Variants in BDP1 observed in about 807,000 individuals in gnomAD.
The protein encoded by BDP1 is transcription factor TFIIIB component B'' homolog.
A neutral mutation model predicts 266.6 loss-of-function variants in BDP1; 169 were observed. The ratio of observed to expected loss-of-function variants is 0.63; its 90% CI spans 0.56 to 0.72. BDP1 has a LOEUF of 0.72. Ranked by LOEUF, BDP1 falls within the 30% of genes least tolerant of loss-of-function variation. The probability of loss-of-function intolerance (pLI) is 0.00; values close to 1 mark genes in which losing one functional copy is unlikely to be tolerated. For synonymous variants in BDP1, 1,090 were observed against 1,022.4 expected (o/e 1.07, Z -1.26); for missense variants, 3,015 against 3,053.8 (o/e 0.99, Z 0.30).
chr5:71,482,776 G>A (rs567713436), intron 7 of BDP1, among the ~76,000 whole-genome samples: 1 of 152,152 alleles, frequency 6.6e-6, no homozygotes, highest in East Asian at 1.9e-4. Flanking sequence ...TAACTTTTGA[G>A]GAAATGTTTA....
the BDP1 span, among the ~76,000 whole-genome samples, chr5:71,576,573 AC>A: frequency 6.6e-6 from 1 of 152,030 alleles, no homozygotes; most frequent in Admixed American, 6.6e-5. Context: ...AATAGTTCCT[AC>A]CCCCCTCCAT....
chr5:71,500,091 A>AT lies in BDP1; in HGVS notation c.1957-1463dup, dbSNP rs537582462. Reference sequence around the variant, plus strand: ...ACTTTTCCAGAATTCTATTGTTACCATTTTTTTTAAACTAAAACACTTTTT... The same window carrying AT: ...ACTTTTCCAGAATTCTATTGTTACCATTTTTTTTTAAACTAAAACACTTTTT... On this transcript the variant is annotated intron_variant, in intron 13 of 38. Coordinates refer to ENST00000358731, the MANE Select transcript of BDP1 (RefSeq NM_018429.3). Among the ~76,000 whole-genome samples the AT allele has an allele frequency of 3.0e-3, 454 of 151,602 alleles. 4 individuals are homozygous for AT. The highest frequency in any genetic ancestry group is 0.01 in the African/African-American group (431 of 41,386).
At chr5:71,576,304 A>G in the BDP1 span, among the ~76,000 whole-genome samples, 6 of 152,312 alleles carry the variant, frequency 3.9e-5, no homozygotes, top group African/African-American at 1.4e-4. Flanking sequence ...CCCTAACTCC[A>G]CCTGACATAG....
chr5:71,538,323 A>C (rs1045594520), intron 26 of BDP1, among the ~76,000 whole-genome samples: 1 of 152,192 alleles, frequency 6.6e-6, no homozygotes, highest in Admixed American at 6.5e-5. Flanking sequence ...AATGCTCTCC[A>C]GGTGGGACCT....
At position 71,492,369 on chromosome 5, in the gene BDP1, G is replaced by C. The variant is rs114197295; in HGVS notation, c.1640+1238G>C. The stretch of plus-strand genomic sequence containing the variant: ...TTACATAACCACCAACAATGTACAG[G>C]GTTCCAGTTTTTTTCACATCTTCTT... On this transcript the variant is annotated intron_variant, in intron 11 of 38. Coordinates refer to ENST00000358731, the MANE Select transcript of BDP1 (RefSeq NM_018429.3). Among the ~76,000 whole-genome samples, 3 of 152,010 alleles carry C rather than the reference G, an allele frequency of 2.0e-5. No individual in the cohort carries two copies. In the East Asian group the frequency reaches 5.8e-4, roughly 29 times the overall value.
At chr5:71,511,863 A>T (rs951604087) in intron 17 of BDP1, among the ~76,000 whole-genome samples, 8 of 152,214 alleles carry the variant, frequency 5.3e-5, no homozygotes, top group Non-Finnish European at 7.3e-5. Flanking sequence ...GCGTGAACAC[A>T]CATTATTTCT....
chr5:71,527,465 T>C (rs1308016553), intron 25 of BDP1, among the ~76,000 whole-genome samples: 6 of 152,222 alleles, frequency 3.9e-5, no homozygotes, highest in Admixed American at 3.9e-4. Context: ...GCAACCACTT[T>C]TCTACATCTT....
chr5:71,510,101 G>T lies in BDP1; in HGVS notation c.3009G>T (p.Lys1003Asn), dbSNP rs369046194. ...SPRENGPEEV[K>N]PVDEMETDLN... is the part of the protein sequence containing the mutation. ...GGGAAAATGGCCCAGAGGAGGTCAA[G>T]CCTGTAGATGAAATGGAGACAGATT... Residue 1003 changes from lysine (K) to asparagine (N), a missense_variant, in exon 17 of 39, where the codon AAG becomes AAT. By Grantham distance (94) the Lys-to-Asn change is moderately conservative (BLOSUM62 0). Around this residue, in one of 3 missense-constraint regions of BDP1, gnomAD observed 2,383 missense variants for 2,404.9 expected, o/e 0.99. Transcript: ENST00000358731. 3.7e-6 allele frequency: 6 copies of T among 1,613,970 alleles called. No individual in the cohort carries two copies. Among genetic ancestry groups the T allele is most frequent in the South Asian group, 2.2e-5 (2 of 91,068 alleles).
At position 71,524,268 on chromosome 5, in the gene BDP1, T is replaced by A. The variant is rs1765656604; in HGVS notation, c.5717T>A (p.Val1906Asp). The change falls in exon 25 of 39, where the codon GTT becomes GAT. Residue 1906 changes from valine to aspartate, a missense_variant. Physicochemically the swap from Val to Asp is radical, Grantham distance 152. Transcript: ENST00000358731. ...EVNKAPVFVP[V>D]GLRSPEPVSA... ...AACAAAGCTCCAGTATTTGTACCTG[T>A]TGGTCTCAGATCTCCTGAACCTGTT... is the stretch of plus-strand genomic sequence containing the variant. 6.2e-7 allele frequency: 1 copy of A among 1,610,934 alleles called. No individual in the cohort carries two copies. The highest frequency in any genetic ancestry group is 1.3e-5 in the African/African-American group (1 of 74,910).
rs200169120 is a variant in BDP1 at position 71,509,730 on chromosome 5, A to G, written c.2638A>G (p.Arg880Gly). Residue 880 changes from arginine to glycine, a missense_variant, in exon 17 of 39, where the codon AGA becomes GGA. Arg to Gly is a moderately radical substitution (Grantham distance 125). Transcript: ENST00000358731. ...MQSDLKETGR[R>G]AISPREKILD... Reference sequence around the variant, plus strand: ...GTCAGATTTAAAAGAAACTGGAAGAAGAGCCATTTCTCCCAGGGAGAAGAT... The same window carrying G: ...GTCAGATTTAAAAGAAACTGGAAGAGGAGCCATTTCTCCCAGGGAGAAGAT... 9.7e-5 allele frequency: 156 copies of G among 1,614,034 alleles called. No individual in the cohort carries two copies. Among genetic ancestry groups the G allele is most frequent in the Non-Finnish European group, 1.2e-4 (139 of 1,180,030 alleles).
intron 11 of BDP1, among the ~76,000 whole-genome samples, chr5:71,492,248 T>A (rs1238591584): frequency 1.3e-5 from 2 of 152,196 alleles, no homozygotes; most frequent in African/African-American, 4.8e-5. Context: ...TTCTTGTGGA[T>A]AAATACCCAG....
intron 11 of BDP1, among the ~76,000 whole-genome samples, chr5:71,493,971 C>T (rs577838574): frequency 1.3e-5 from 2 of 152,288 alleles, no homozygotes; most frequent in Admixed American, 1.3e-4. Flanking sequence ...ATCTTTACAA[C>T]TTTTAGAAGA....
chr5:71,516,691 A>G (rs1765241080), intron 21 of BDP1, among the ~76,000 whole-genome samples: 1 of 152,214 alleles, frequency 6.6e-6, no homozygotes, highest in Non-Finnish European at 1.5e-5. Flanking sequence ...ATCAAGAAAT[A>G]TGTTAGTTAC....
chr5:71,508,589 C>A (rs1212899596), intron 16 of BDP1, among the ~76,000 whole-genome samples: 1 of 151,846 alleles, frequency 6.6e-6, no homozygotes, highest in Non-Finnish European at 1.5e-5. Flanking sequence ...CAGCTCAATA[C>A]GTCTTTTTTT....
chr5:71,558,861 CACATATAA>C (rs1743425953), intron 36 of BDP1, among the ~76,000 whole-genome samples: 1 of 146,898 alleles, frequency 6.8e-6, no homozygotes, highest in South Asian at 2.2e-4. Context: ...AAAAACCCCA[CACATATAA>C]TGGGCTGAGC....
intron 7 of BDP1, among the ~76,000 whole-genome samples, chr5:71,478,589 A>G (rs1762739112): frequency 6.6e-6 from 1 of 151,970 alleles, no homozygotes; most frequent in South Asian, 2.1e-4. Context: ...GTTGCTGATG[A>G]AAAGTCGACA....
chr5:71,461,931 G>C lies in BDP1; in HGVS notation c.599+5G>C. ...ACCAGATAATAATCCAATGACGTAA[G>C]TAAAATTTATTTCTGCTTTACTATC... On this transcript the variant is annotated splice_donor_5th_base_variant and intron_variant, in intron 3 of 38. Coordinates refer to ENST00000358731, the MANE Select transcript of BDP1 (RefSeq NM_018429.3). The C allele has an allele frequency of 3.7e-6, 3 of 817,450 alleles. No individual in the cohort carries two copies. The highest frequency in any genetic ancestry group is 6.0e-6 in the Non-Finnish European group (3 of 498,808). The allele number at this position is 817,450 out of a possible 1,614,324, so 50.6% of individuals were successfully genotyped here.
Position 71,522,394 on chromosome 5 carries a change from A to C in BDP1, c.5097A>C (p.Pro1699=). 1 of 1,613,992 alleles carries C rather than the reference A, an allele frequency of 6.2e-7. No homozygotes were observed. The highest frequency in any genetic ancestry group is 1.1e-5 in the South Asian group (1 of 91,072). The part of the protein sequence containing the change: ...LGRAHSKKEE[P]VLEKVTTDQS... ...GAGCACACAGTAAGAAAGAGGAACC[A>C]GTTTTAGAAAAAGTCACAACAGATC... The change falls in exon 23 of 39, where the codon CCA becomes CCC. Residue 1699 remains proline (P), a synonymous_variant. Coordinates refer to ENST00000358731, the MANE Select transcript of BDP1 (RefSeq NM_018429.3).
chr5:71,508,667 T>C (rs1434793802), intron 16 of BDP1, among the ~76,000 whole-genome samples: 6 of 152,216 alleles, frequency 3.9e-5, no homozygotes, highest in African/African-American at 1.4e-4. Context: ...AGTGTTTCAT[T>C]TGATCTAGCT....
Sources: allele counts gnomAD v4.1 joint callset (sites outside exome capture counted in the v4.1 genomes callset), GRCh38; gene constraint gnomAD v4.1.1; regional missense constraint gnomAD v4.1.1; transcripts MANE v1.5; gene names NCBI Gene and HGNC (gene_info 2026-07-23, HGNC 2026-07-21).